Variants in FANCB observed in about 807,000 individuals in gnomAD.
FANCB encodes the protein Fanconi anemia group B protein.
Under a neutral mutation model 38.9 loss-of-function variants are expected in FANCB, and 5 were observed. The ratio of observed to expected loss-of-function variants is 0.13; its 90% CI spans 0.07 to 0.27. The LOEUF (loss-of-function observed/expected upper bound fraction) is 0.27, where lower values mean the gene tolerates loss of function less well. Among genes scored for constraint, FANCB ranks in the 10% least tolerant of loss-of-function variants. The pLI, the probability that FANCB is intolerant of heterozygous loss-of-function variation, is 1.00. For missense variants in FANCB, 573 were observed against 602.7 expected (o/e 0.95, Z 0.52); for synonymous variants, 236 against 215.4 (o/e 1.10, Z -0.84).
downstream of FANCB, chrX:14,843,398 G>A: frequency 2.4e-6 from 1 of 413,752 alleles, no homozygotes. Context: ...AGATAAAATG[G>A]CCCTAGTTGA....
the FANCB span, among the ~76,000 whole-genome samples, chrX:14,724,210 T>C: frequency 1.8e-5 from 2 of 112,174 alleles, no homozygotes; most frequent in Non-Finnish European, 3.8e-5. Context: ...TGTTTACTTG[T>C]TACTGTTTCC....
chrX:14,760,706 T>C, the FANCB span, among the ~76,000 whole-genome samples: 1 of 111,869 alleles, frequency 8.9e-6, no homozygotes, highest in Non-Finnish European at 1.9e-5. Flanking sequence ...CGGTGGCTCA[T>C]GCCTGTAATC....
At chrX:14,760,767 G>C in the FANCB span, among the ~76,000 whole-genome samples, 1 of 111,183 alleles carries the variant, frequency 9.0e-6, no homozygotes, top group African/African-American at 3.3e-5. Flanking sequence ...TCAGGAGTTC[G>C]AGACCACCCT....
the FANCB span, among the ~76,000 whole-genome samples, chrX:14,726,341 T>C: frequency 1.9e-3 from 212 of 112,318 alleles, 2 homozygotes; most frequent in Non-Finnish European, 2.7e-3. Context: ...TACCATAAAG[T>C]TCTATATTTA....
chrX:14,720,372 A>G, the FANCB span, among the ~76,000 whole-genome samples: 5 of 112,182 alleles, frequency 4.5e-5, no homozygotes, highest in African/African-American at 1.6e-4. Context: ...GGATCTCATC[A>G]TGTAAGTCAA....
At chrX:14,777,638 G>C in the FANCB span, among the ~76,000 whole-genome samples, 7 of 111,976 alleles carry the variant, frequency 6.3e-5, no homozygotes, top group South Asian at 7.4e-4. Context: ...AAGATCACTG[G>C]ACAGCATTTT....
rs749099779 is a variant in FANCB, at chrX:14,865,053, A to T, written c.458T>A (p.Ile153Asn). The T allele has an allele frequency of 1.3e-5, 16 of 1,208,567 alleles. No individual in the cohort carries two copies. In the Admixed American group the frequency reaches 3.3e-4, roughly 25 times the overall value. Reference sequence around the variant, plus strand: ...AACAACTTTGCCAGTTTGAGAAGAGATAAAGAAGAATGCTTTGACATGCCT... The same window carrying T: ...AACAACTTTGCCAGTTTGAGAAGAGTTAAAGAAGAATGCTTTGACATGCCT... ...LWRHVKAFFF[I>N]SSQTGKVVSV... The change falls in exon 3 of 10, where the codon ATC becomes AAC. Residue 153 changes from isoleucine (I) to asparagine (N), a missense_variant. Ile to Asn is a moderately radical substitution (Grantham distance 149). Coordinates refer to ENST00000650831, the MANE Select transcript of FANCB (RefSeq NM_001018113.3).
At chrX:14,760,213 T>C in the FANCB span, among the ~76,000 whole-genome samples, 15 of 112,492 alleles carry the variant, frequency 1.3e-4, no homozygotes, top group Non-Finnish European at 5.6e-5. Flanking sequence ...TAGAATACTA[T>C]TCAGCCATAA....
chrX:14,762,920 C>T, the FANCB span, among the ~76,000 whole-genome samples: 1 of 112,200 alleles, frequency 8.9e-6, no homozygotes, highest in Non-Finnish European at 1.9e-5. Flanking sequence ...TTACTTTAAC[C>T]CTTTAATAAC....
chrX:14,776,412 C>T, the FANCB span, among the ~76,000 whole-genome samples: 1 of 111,713 alleles, frequency 9.0e-6, no homozygotes, highest in Non-Finnish European at 1.9e-5. Flanking sequence ...TTGGCTCTGT[C>T]AGAAATGAGC....
chrX:14,813,051 C>T, the FANCB span, among the ~76,000 whole-genome samples: 1 of 101,070 alleles, frequency 9.9e-6, no homozygotes, highest in Non-Finnish European at 2.0e-5. Context: ...ATAAACAGAA[C>T]CAAAGACAAA....
the FANCB span, among the ~76,000 whole-genome samples, chrX:14,774,200 C>T: frequency 1.8e-5 from 2 of 111,402 alleles, no homozygotes; most frequent in Non-Finnish European, 3.8e-5. Context: ...ACCAGTCATT[C>T]TAATTGAAAA....
At chrX:14,840,717 G>A (rs1187447781), downstream of FANCB, among the ~76,000 whole-genome samples, 2 of 112,002 alleles carry the variant, frequency 1.8e-5, no homozygotes, top group Non-Finnish European at 3.8e-5. Flanking sequence ...GTGGTAAGTG[G>A]CTGCTGCTGT....
the FANCB span, among the ~76,000 whole-genome samples, chrX:14,790,818 C>G: frequency 2.7e-5 from 3 of 111,430 alleles, no homozygotes; most frequent in Non-Finnish European, 5.7e-5. Flanking sequence ...AGAAGTTGTA[C>G]TAAGAGAAAA....
At chrX:14,717,740 T>TA in the FANCB span, among the ~76,000 whole-genome samples, 19,881 of 78,208 alleles carry the variant, frequency 0.25, 1,862 homozygotes, top group Middle Eastern at 0.32. Flanking sequence ...TTCTGTAAAG[T>TA]AAAAAAAAAA....
the FANCB span, among the ~76,000 whole-genome samples, chrX:14,720,266 T>C: frequency 4.5e-5 from 5 of 112,111 alleles, no homozygotes; most frequent in East Asian, 1.4e-3. Flanking sequence ...TTACACATTG[T>C]ACACGTGTAT....
the FANCB span, among the ~76,000 whole-genome samples, chrX:14,729,719 G>A: frequency 9.0e-6 from 1 of 111,334 alleles, no homozygotes. Context: ...TAAACCTAAT[G>A]TTAATGGGGG....
chrX:14,810,155 A>C, the FANCB span, among the ~76,000 whole-genome samples: 1 of 111,591 alleles, frequency 9.0e-6, no homozygotes, highest in African/African-American at 3.3e-5. Context: ...CCCCACCAAA[A>C]ACCCATCTGT....
chrX:14,721,218 C>A, the FANCB span, among the ~76,000 whole-genome samples: 1 of 110,198 alleles, frequency 9.1e-6, no homozygotes, highest in Non-Finnish European at 1.9e-5. Context: ...TCAAGATAAA[C>A]CCTGTTTTAG....
Sources: allele counts gnomAD v4.1 joint callset (sites outside exome capture counted in the v4.1 genomes callset), GRCh38; gene constraint gnomAD v4.1.1; transcripts MANE v1.5; gene names NCBI Gene and HGNC (gene_info 2026-07-23, HGNC 2026-07-21).